The following DCHS2 variants were observed in gnomAD, a reference collection of about 807,000 sequenced individuals.
DCHS2 encodes the protein protocadherin-23.
Under a neutral mutation model 182.4 loss-of-function variants are expected in DCHS2, and 142 were observed. The ratio of observed to expected loss-of-function variants is 0.78; its 90% CI spans 0.68 to 0.89. The LOEUF (loss-of-function observed/expected upper bound fraction) is 0.89, where lower values mean the gene tolerates loss of function less well. Among genes scored for constraint, DCHS2 ranks in the 40% least tolerant of loss-of-function variants. The probability of loss-of-function intolerance (pLI) is 0.00; values close to 1 mark genes in which losing one functional copy is unlikely to be tolerated. For synonymous variants in DCHS2, 1,740 were observed against 1,663.3 expected (o/e 1.05, Z -1.12); for missense variants, 4,319 against 4,198.6 (o/e 1.03, Z -0.79).
Position 154,332,808 on chromosome 4 carries a change from C to T in DCHS2, c.3400G>A (p.Gly1134Arg). ...LEPSVDSAMF[G>R]IRPYTGWIYL... The stretch of plus-strand genomic sequence containing the variant: ...ATCCAGCCCGTGTAAGGGCGGATTC[C>T]AAACATAGCAGAGTCTACGCTGGGT... The change falls in exon 5 of 20, where the codon GGA becomes AGA. Residue 1134 changes from glycine (G) to arginine (R), a missense_variant. Coordinates refer to ENST00000357232, the MANE Select transcript of DCHS2 (RefSeq NM_001358235.2). The T allele has an allele frequency of 6.2e-7, 1 of 1,614,250 alleles. No individual in the cohort carries two copies. The highest frequency in any genetic ancestry group is 8.5e-7 in the Non-Finnish European group (1 of 1,180,056).
At chr4:154,330,633 T>C (rs2130710) in intron 5 of DCHS2, among the ~76,000 whole-genome samples, 42,802 of 152,010 alleles carry the variant, frequency 0.28, 6,826 homozygotes, top group East Asian at 0.37. Context: ...AACATTTCTG[T>C]GGCTAAAAAC....
At chr4:154,287,532 G>A (rs1371917446) in intron 13 of DCHS2, among the ~76,000 whole-genome samples, 1 of 152,290 alleles carries the variant, frequency 6.6e-6, no homozygotes, top group Admixed American at 6.5e-5. Flanking sequence ...CCAGGTTGGA[G>A]TGCAGTGGTA....
intron 9 of DCHS2, among the ~76,000 whole-genome samples, chr4:154,320,087 C>T (rs1735998277): frequency 6.6e-6 from 1 of 151,984 alleles, no homozygotes; most frequent in South Asian, 2.1e-4. Context: ...AAGCCAGTCA[C>T]AAAAAGACAA....
chr4:154,385,521 C>T (rs1731371696), intron 1 of DCHS2, among the ~76,000 whole-genome samples: 1 of 152,112 alleles, frequency 6.6e-6, no homozygotes, highest in Admixed American at 6.6e-5. Context: ...AATGGTTGAA[C>T]TCCATCTCCA....
intron 1 of DCHS2, among the ~76,000 whole-genome samples, chr4:154,463,692 T>TTCTCTC (rs5863102): frequency 1.5e-3 from 216 of 145,372 alleles, no homozygotes; most frequent in African/African-American, 5.0e-3. Context: ...ATTCTCTCTT[T>TTCTCTC]TCTCTCTCTC....
At chr4:154,416,390 G>A (rs1035886594) in intron 1 of DCHS2, among the ~76,000 whole-genome samples, 1 of 152,202 alleles carries the variant, frequency 6.6e-6, no homozygotes, top group Non-Finnish European at 1.5e-5. Context: ...AGCGCAGGGA[G>A]GCTGTGTTTA....
Position 154,490,127 on chromosome 4 carries a change from C to A in DCHS2, c.1229G>T (p.Arg410Leu), listed in dbSNP as rs1338944148. 1.3e-6 allele frequency: 2 copies of A among 1,547,822 alleles called. No homozygotes were observed. The highest frequency in any genetic ancestry group is 1.4e-5 in the African/African-American group (1 of 73,138). Residue 410 changes from arginine (R) to leucine (L), a missense_variant, in exon 1 of 20, where the codon CGG (arginine) becomes CTG (leucine). Arg to Leu is a moderately radical substitution (Grantham distance 102, BLOSUM62 -2). Transcript: ENST00000357232. ...GAGAAAGAGCACGTGAATTGCTGGC[C>A]GGTTGTCATTCACGTCCAGCACGGC... ...SIAVLDVNDN[R>L]PAIHVLFLTE...
At chr4:154,335,135 A>T in intron 3 of DCHS2, 31 bp from the exon 4 acceptor site, 3 of 1,365,784 alleles carry the variant, frequency 2.2e-6, no homozygotes, top group Non-Finnish European at 3.1e-6. Context: ...ATTGGTAAAC[A>T]GATAACATGT....
chr4:154,482,866 C>G (rs1203507307), intron 1 of DCHS2, among the ~76,000 whole-genome samples: 1 of 152,162 alleles, frequency 6.6e-6, no homozygotes, highest in Non-Finnish European at 1.5e-5. Context: ...AAGTTTTCAG[C>G]TACTAGCCTC....
chr4:154,377,257 T>C lies in DCHS2; in HGVS notation c.2240A>G (p.Asp747Gly). 6.2e-7 allele frequency: 1 copy of C among 1,613,070 alleles called. No homozygotes were observed. Among genetic ancestry groups the C allele is most frequent in the Non-Finnish European group, 8.5e-7 (1 of 1,179,494 alleles). ...ATYDLLVEAK[D>G]GGGLSAQAFV... ...ACTTCATACATAAAAACTTACCCCA[T>C]CCTTAGCTTCCACCAGGAGATCATA... Residue 747 changes from aspartate to glycine, a missense_variant, in exon 2 of 20, where the codon GAT (aspartate) becomes GGT (glycine). By Grantham distance (94) the Asp-to-Gly change is moderately conservative. Transcript: ENST00000357232.
rs1311645009 is a variant in DCHS2 at position 154,274,122 on chromosome 4, C to T, written c.6464-4109G>A. Among the ~76,000 whole-genome samples the T allele has an allele frequency of 7.2e-5, 11 of 152,186 alleles. No individual in the cohort carries two copies. The South Asian group carries it at 2.3e-3, about 31-fold the overall frequency. On this transcript the variant is annotated intron_variant, in intron 13 of 19. Coordinates refer to ENST00000357232, the MANE Select transcript of DCHS2 (RefSeq NM_001358235.2). ...GGAGGAGGCCAGAAAATGTCTCAGA[C>T]AGTCACTGTCAGCCTATCGCTGTCA...
intron 12 of DCHS2, among the ~76,000 whole-genome samples, chr4:154,301,785 G>A (rs886779904): frequency 1.3e-5 from 2 of 152,172 alleles, no homozygotes; most frequent in Non-Finnish European, 2.9e-5. Flanking sequence ...TTACAGGCGT[G>A]AGCCACTGCA....
Position 154,412,919 on chromosome 4 carries a change from C to T in DCHS2, c.2053-35475G>A, listed in dbSNP as rs535957369. Among the ~76,000 whole-genome samples, 382 of 152,126 alleles carry T rather than the reference C, an allele frequency of 2.5e-3. 1 individual carries two copies. Among genetic ancestry groups the T allele is most frequent in the African/African-American group, 8.0e-3 (334 of 41,492 alleles). ...TTATTGCAACTATGCAAATCATGGG[C>T]GCTCAATAAATTTTTGTTGAAAAGC... On this transcript the variant is annotated intron_variant, in intron 1 of 19. Coordinates refer to ENST00000357232, the MANE Select transcript of DCHS2 (RefSeq NM_001358235.2).
chr4:154,436,148 G>T (rs1191175365), intron 1 of DCHS2, among the ~76,000 whole-genome samples: 1 of 152,102 alleles, frequency 6.6e-6, no homozygotes, highest in East Asian at 1.9e-4. Flanking sequence ...CTACCTTCAT[G>T]TTATTTTTCC....
At chr4:154,310,733 A>G (rs1367400236) in intron 10 of DCHS2, among the ~76,000 whole-genome samples, 1 of 152,180 alleles carries the variant, frequency 6.6e-6, no homozygotes, top group Non-Finnish European at 1.5e-5. Context: ...ATTGGCTTTC[A>G]CCCATCTTTA....
At chr4:154,452,394 C>A (rs1347712614) in intron 1 of DCHS2, among the ~76,000 whole-genome samples, 2 of 151,954 alleles carry the variant, frequency 1.3e-5, no homozygotes, top group African/African-American at 4.8e-5. Flanking sequence ...GAGGCCCAGG[C>A]GGGTGGATCG....
intron 13 of DCHS2, among the ~76,000 whole-genome samples, chr4:154,284,146 A>G (rs909285091): frequency 3.9e-5 from 6 of 152,210 alleles, no homozygotes; most frequent in Non-Finnish European, 7.4e-5. Flanking sequence ...ACACTACAGT[A>G]TTTCCATAAT....
chr4:154,444,854 C>T (rs917149095), intron 1 of DCHS2, among the ~76,000 whole-genome samples: 6 of 152,212 alleles, frequency 3.9e-5, no homozygotes, highest in African/African-American at 1.4e-4. Flanking sequence ...GTTCATTCCT[C>T]ATTTAGCTCC....
chr4:154,445,001 CACTCAGGTCTTGG>C (rs1734216943), intron 1 of DCHS2, among the ~76,000 whole-genome samples: 2 of 152,204 alleles, frequency 1.3e-5, no homozygotes, highest in South Asian at 4.1e-4. Flanking sequence ...CACCTCACCA[CACTCAGGTCTTGG>C]ACCAATGGTT....
Sources: gnomAD v4.1 joint callset for allele counts (sites outside exome capture counted in the v4.1 genomes callset) on GRCh38, gnomAD v4.1.1 for gene constraint, MANE v1.5 for transcripts, NCBI Gene and HGNC (gene_info 2026-07-23, HGNC 2026-07-21) for gene names.